Variants in RANGAP1 observed in about 807,000 individuals in gnomAD.
The protein encoded by RANGAP1 is ran GTPase-activating protein 1.
Under a neutral mutation model 63.5 loss-of-function variants are expected in RANGAP1, and 38 were observed. The ratio of observed to expected loss-of-function variants is 0.60; its 90% confidence interval spans 0.46 to 0.78. The LOEUF (loss-of-function observed/expected upper bound fraction) is 0.78, where lower values mean the gene tolerates loss of function less well. RANGAP1 is among the 30% of genes least tolerant of loss of function. The probability of loss-of-function intolerance (pLI) is 0.00; values close to 1 mark genes in which losing one functional copy is unlikely to be tolerated. For synonymous variants in RANGAP1, 329 were observed against 310.5 expected, an observed-to-expected ratio of 1.06 and a Z score of -0.63; for missense variants, 630 against 740.3, an observed-to-expected ratio of 0.85 and a Z score of 1.73.
chr22:41,287,119 A>T (rs2145872096), upstream of RANGAP1, among the ~76,000 whole-genome samples: 2 of 152,364 alleles, frequency 1.3e-5, no homozygotes, highest in East Asian at 3.9e-4. Context: ...AATTTTGATT[A>T]TGGTACAGGG....
chr22:41,252,082 T>G (rs1034018633), intron 12 of RANGAP1, among the ~76,000 whole-genome samples: 3 of 152,058 alleles, frequency 2.0e-5, no homozygotes, highest in Non-Finnish European at 4.4e-5. Flanking sequence ...CCTGTAACCC[T>G]AGCACTTTGG....
the RANGAP1 span, among the ~76,000 whole-genome samples, chr22:41,291,383 G>A: frequency 6.6e-6 from 1 of 151,948 alleles, no homozygotes; most frequent in Non-Finnish European, 1.5e-5. Flanking sequence ...AGATCACGAG[G>A]TCAGGAGTTC....
At chr22:41,258,930 C>T (rs1050019389) in intron 6 of RANGAP1, among the ~76,000 whole-genome samples, 3 of 152,224 alleles carry the variant, frequency 2.0e-5, no homozygotes, top group African/African-American at 4.8e-5. Flanking sequence ...GCTGGGATTA[C>T]AGACGTGAGA....
At chr22:41,258,136 G>GC (rs747435186) in intron 6 of RANGAP1, 30 bp from the exon 7 acceptor site, 3 of 1,562,372 alleles carry the variant, frequency 1.9e-6, no homozygotes, top group Non-Finnish European at 2.6e-6. Context: ...AGTGGAGGGG[G>GC]CCCCGAGTGC....
In RANGAP1 at chr22:41,264,685, G is replaced by A; in HGVS notation, c.459C>T (p.Gly153=). 6.2e-7 allele frequency: 1 copy of A among 1,612,582 alleles called. No individual in the cohort carries two copies. The highest frequency in any genetic ancestry group is 8.5e-7 in the Non-Finnish European group (1 of 1,178,702). ...CCACCTTGCCGCCGCCAATGCCCAT[G>A]CCACAGTTGTTGAGCTTGAGTTCCT... is the stretch of plus-strand genomic sequence containing the variant. The part of the protein sequence containing the change: ...TLQELKLNNC[G]MGIGGGKILA... The change falls in exon 5 of 16, where the codon GGC becomes GGT. Residue 153 remains glycine (G), a synonymous_variant. Coordinates refer to ENST00000356244, the MANE Select transcript of RANGAP1 (RefSeq NM_002883.4).
chr22:41,293,321 AG>A, the RANGAP1 span, among the ~76,000 whole-genome samples: 1 of 151,948 alleles, frequency 6.6e-6, no homozygotes, highest in African/African-American at 2.4e-5. Flanking sequence ...CTGACGGGGT[AG>A]GATTGCTTGA....
rs758651059 is a variant in RANGAP1 at position 41,256,062 on chromosome 22, C to T, written c.1032G>A (p.Val344=). The change falls in exon 10 of 16, where the codon GTG becomes GTA. Residue 344 remains valine, a synonymous_variant. Coordinates refer to ENST00000356244, the MANE Select transcript of RANGAP1 (RefSeq NM_002883.4). ...GEEGCEQLQE[V]LEGFNMAKVL... ...CCTTGGCCATGTTGAAGCCCTCCAG[C>T]ACCTCCTGAAGCTGTTCACAGCCTT... 2.7e-5 allele frequency: 43 copies of T among 1,613,956 alleles called. No individual in the cohort carries two copies. The highest frequency in any genetic ancestry group is 3.4e-5 in the Non-Finnish European group (40 of 1,180,042).
intron 1 of RANGAP1, chr22:41,281,391 G>A: frequency 2.0e-6 from 2 of 1,002,834 alleles, no homozygotes; most frequent in Non-Finnish European, 2.4e-6. Context: ...CCATTTCCTG[G>A]GCCCCTTCAG....
chr22:41,266,759 C>A (rs1320736920), intron 4 of RANGAP1, among the ~76,000 whole-genome samples: 1 of 152,234 alleles, frequency 6.6e-6, no homozygotes, highest in Non-Finnish European at 1.5e-5. Flanking sequence ...GTCTCCAACT[C>A]CTGACCTCAG....
intron 2 of RANGAP1, among the ~76,000 whole-genome samples, chr22:41,278,859 C>T (rs1402106330): frequency 6.6e-6 from 1 of 152,044 alleles, no homozygotes; most frequent in African/African-American, 2.4e-5. Context: ...AAATAAGGGG[C>T]CGGGCACGGT....
chr22:41,277,488 T>C (rs1436420935), intron 2 of RANGAP1: 1 of 1,197,518 alleles, frequency 8.4e-7, no homozygotes, highest in South Asian at 1.3e-5. Flanking sequence ...AAACAAAAAG[T>C]TGAGTCTGGC....
intron 11 of RANGAP1, among the ~76,000 whole-genome samples, chr22:41,253,737 T>C (rs1407376833): frequency 1.3e-5 from 2 of 152,258 alleles, no homozygotes; most frequent in Admixed American, 6.5e-5. Context: ...GAAACCCTTA[T>C]GCATATCTTA....
At chr22:41,294,866 G>C in the RANGAP1 span, among the ~76,000 whole-genome samples, 1 of 1,242 alleles carries the variant, frequency 8.1e-4, no homozygotes, top group Non-Finnish European at 1.7e-3. Flanking sequence ...CAGCCACCTC[G>C]TCCGGGAGGG....
At chr22:41,270,726 G>A (rs1056269551) in intron 3 of RANGAP1, among the ~76,000 whole-genome samples, 3 of 152,184 alleles carry the variant, frequency 2.0e-5, no homozygotes, top group South Asian at 4.1e-4. Flanking sequence ...GCTGGTTTTT[G>A]CAGAAAAATC....
At chr22:41,277,272 G>A (rs1307958741) in intron 2 of RANGAP1, among the ~76,000 whole-genome samples, 2 of 151,680 alleles carry the variant, frequency 1.3e-5, no homozygotes, top group East Asian at 3.9e-4. Context: ...TAGAGACGGG[G>A]TTTCACCGTT....
chr22:41,271,620 G>A (rs1486096549), intron 3 of RANGAP1, among the ~76,000 whole-genome samples: 2 of 151,826 alleles, frequency 1.3e-5, no homozygotes, highest in Non-Finnish European at 2.9e-5. Flanking sequence ...CATGAACCCG[G>A]GAGGCGGAGC....
chr22:41,256,419 GGAA>G (rs1218986977), intron 8 of RANGAP1, 129 bp from the exon 9 acceptor site: 3 of 866,298 alleles, frequency 3.5e-6, no homozygotes, highest in Admixed American at 5.1e-5. Context: ...AAAGTGGGCA[GGAA>G]GAATAACACC....
chr22:41,282,182 G>C (rs1214943276), intron 1 of RANGAP1: 2 of 152,184 alleles, frequency 1.3e-5, no homozygotes, highest in South Asian at 2.1e-4. Flanking sequence ...CCTGTAGTCA[G>C]TCCCAGCTAC....
At chr22:41,298,007 G>A in the RANGAP1 span, among the ~76,000 whole-genome samples, 9 of 151,934 alleles carry the variant, frequency 5.9e-5, no homozygotes, top group Admixed American at 3.9e-4. Context: ...ACAGGCGCCC[G>A]TGACCACGCC....
Sources: gnomAD v4.1 joint callset for allele counts (sites outside exome capture counted in the v4.1 genomes callset) on GRCh38, gnomAD v4.1.1 for gene constraint, MANE v1.5 for transcripts, NCBI Gene and HGNC (gene_info 2026-07-23, HGNC 2026-07-21) for gene names.